The following EHMT1 variants were observed in gnomAD, a reference collection of about 807,000 sequenced individuals.
EHMT1 encodes the protein euchromatic histone lysine methyltransferase 1, also known as histone-lysine N-methyltransferase EHMT1.
Under a neutral mutation model 147.2 loss-of-function variants are expected in EHMT1, and 15 were observed. The ratio of observed to expected loss-of-function variants is 0.10; its 90% CI spans 0.07 to 0.16. The LOEUF (loss-of-function observed/expected upper bound fraction) is 0.16. Among genes scored for constraint, EHMT1 ranks in the 10% least tolerant of loss-of-function variants. EHMT1 has a pLI of 1.00. For synonymous variants in EHMT1, 795 were observed against 709.6 expected (o/e 1.12, Z -1.91); for missense variants, 1,587 against 1,772.4 (o/e 0.90, Z 1.88).
intron 8 of EHMT1, among the ~76,000 whole-genome samples, chr9:137,757,108 C>T (rs2136258090): frequency 6.6e-6 from 1 of 152,336 alleles, no homozygotes; most frequent in Middle Eastern, 3.4e-3. Context: ...TCAGTGAATG[C>T]CCTTGTGATT....
In EHMT1 at chr9:137,634,429, T is replaced by A. The variant is rs115170644; in HGVS notation, c.21+15380T>A. ...CCCCATTGAATTGCCTGGCCATCGT[T>A]TTTGAAAATCAGTTGAACATAAATG... On this transcript the variant is annotated intron_variant, in intron 1 of 26. Coordinates refer to ENST00000460843, the MANE Select transcript of EHMT1 (RefSeq NM_024757.5). 8.6e-3 allele frequency among the ~76,000 whole-genome samples: 1,306 copies of A among 152,322 alleles called. 18 individuals are homozygous for A. Among genetic ancestry groups the A allele is most frequent in the African/African-American group, 0.029 (1,203 of 41,578 alleles).
At chr9:137,818,169 A>G (rs1167444791) in intron 25 of EHMT1, 31 bp downstream of exon 25, 3 of 1,610,412 alleles carry the variant, frequency 1.9e-6, no homozygotes, top group Non-Finnish European at 2.5e-6. Context: ...GGGGCCACGC[A>G]GAACTTGTGA....
intron 1 of EHMT1, among the ~76,000 whole-genome samples, chr9:137,628,412 ATTAC>A (rs1422030977): frequency 1.3e-5 from 2 of 152,152 alleles, no homozygotes; most frequent in Non-Finnish European, 2.9e-5. Context: ...TTTTTTTAAA[ATTAC>A]TTAAACATTT....
At chr9:137,622,415 C>T (rs961221813) in intron 1 of EHMT1, among the ~76,000 whole-genome samples, 9 of 152,050 alleles carry the variant, frequency 5.9e-5, no homozygotes, top group Non-Finnish European at 1.0e-4. Flanking sequence ...CCACCGCCCC[C>T]GGCCGATCAT....
At chr9:137,634,359 C>T (rs543876487) in intron 1 of EHMT1, among the ~76,000 whole-genome samples, 1 of 152,310 alleles carries the variant, frequency 6.6e-6, no homozygotes, top group African/African-American at 2.4e-5. Flanking sequence ...TCATTCTTTT[C>T]ATGTACAGTT....
rs982642065 is a variant in EHMT1, at chr9:137,817,362, C to T, written c.3375-77C>T. 1.1e-5 allele frequency: 17 copies of T among 1,537,246 alleles called. No homozygotes were observed. The East Asian group carries it at 3.1e-4, about 28-fold the overall frequency. On this transcript the variant is annotated intron_variant, in intron 23 of 26. Transcript: ENST00000460843. ...TCTTCCTCATTTCAGTGACGTGGCACCAGCTGGCTTTTGCTGACCATTGTG... is the reference window on the plus strand; with the variant it reads ...TCTTCCTCATTTCAGTGACGTGGCATCAGCTGGCTTTTGCTGACCATTGTG...
intron 1 of EHMT1, among the ~76,000 whole-genome samples, chr9:137,651,868 G>A (rs1937869754): frequency 1.3e-5 from 2 of 152,110 alleles, no homozygotes; most frequent in African/African-American, 4.8e-5. Context: ...TCTAGCAATA[G>A]GCATTATGTG....
rs187102694 is a variant in EHMT1, at chr9:137,782,772, G to A, written c.2382+375G>A. 5.9e-5 allele frequency among the ~76,000 whole-genome samples: 9 copies of A among 152,298 alleles called. No individual in the cohort carries two copies. The highest frequency in any genetic ancestry group is 2.2e-4 in the African/African-American group (9 of 41,574). On this transcript the variant is annotated intron_variant, in intron 15 of 26. Transcript: ENST00000460843. This position sits in a 1 kb window ranked among gnomAD's most constrained non-coding sequence, Gnocchi z 5.7. ...CCATTTTGTTTAGATCAGATCGTGT[G>A]AGCATTTTCAAGCTGAACCACGTCG...
chr9:137,792,555 A>C (rs1350939771), intron 16 of EHMT1, among the ~76,000 whole-genome samples: 1 of 152,138 alleles, frequency 6.6e-6, no homozygotes, highest in Admixed American at 6.5e-5. Flanking sequence ...AAATATAAAA[A>C]TTAGCCGGGC....
At chr9:137,624,000 CTTTTTT>C (rs34882647) in intron 1 of EHMT1, among the ~76,000 whole-genome samples, 1 of 131,526 alleles carries the variant, frequency 7.6e-6, no homozygotes, top group Non-Finnish European at 1.6e-5. Flanking sequence ...TTCTTTCTTT[CTTTTTT>C]TTTTTTTTTT....
chr9:137,669,252 C>T (rs753204989), intron 1 of EHMT1, among the ~76,000 whole-genome samples: 33 of 150,336 alleles, frequency 2.2e-4, no homozygotes, highest in Non-Finnish European at 4.1e-4. Context: ...ACCCTTCTCG[C>T]CCAGTGCTTA....
chr9:137,766,086 C>T (rs1478713214), intron 10 of EHMT1, among the ~76,000 whole-genome samples: 1 of 152,010 alleles, frequency 6.6e-6, no homozygotes, highest in African/African-American at 2.4e-5. Flanking sequence ...GATGAAACCC[C>T]ATCTCTTAAA....
chr9:137,811,740 G>A (rs1339516495), intron 19 of EHMT1, 125 bp downstream of exon 19: 1 of 1,298,824 alleles, frequency 7.7e-7, no homozygotes, highest in Admixed American at 1.9e-5. Flanking sequence ...GTTCCTTCGT[G>A]TGGAAGTCCA....
chr9:137,776,312 C>G lies in EHMT1; in HGVS notation c.1792-306C>G, dbSNP rs1168884848. ...CCTATCCGCCCTTCAGAGTAGGGGC[C>G]TTCTGGGTCCTTCTTTAGGCCTTCT... On this transcript the variant is annotated intron_variant, in intron 11 of 26. Coordinates refer to ENST00000460843, the MANE Select transcript of EHMT1 (RefSeq NM_024757.5). The surrounding 1 kb of genome is among the most constrained non-coding windows in gnomAD (Gnocchi z 4.4). Among the ~76,000 whole-genome samples the G allele has an allele frequency of 6.6e-6, 1 of 152,112 alleles. No homozygotes were observed. The highest frequency in any genetic ancestry group is 2.4e-5 in the African/African-American group (1 of 41,440).
rs1157528426 is a variant in EHMT1 at position 137,775,151 on chromosome 9, C to T, written c.1690C>T (p.Arg564Cys). 1.9e-6 allele frequency: 3 copies of T among 1,613,926 alleles called. No homozygotes were observed. Among genetic ancestry groups the T allele is most frequent in the Non-Finnish European group, 1.7e-6 (2 of 1,180,032 alleles). Reference protein sequence around the residue: ...TNSVVKYELMRPSNKAPLLVL... With the variant: ...TNSVVKYELMCPSNKAPLLVL... ...CAGCGTGGTCAAGTATGAGCTGATGCGCCCCTCCAACAAGGCCCCGCTCCT... is the reference window on the plus strand; with the variant it reads ...CAGCGTGGTCAAGTATGAGCTGATGTGCCCCTCCAACAAGGCCCCGCTCCT... The change falls in exon 11 of 27, where the codon CGC becomes TGC. Residue 564 changes from arginine (R) to cysteine (C), a missense_variant. Physicochemically the swap from Arg to Cys is radical, Grantham distance 180. Coordinates refer to ENST00000460843, the MANE Select transcript of EHMT1 (RefSeq NM_024757.5). This position sits in a 1 kb window ranked among gnomAD's most constrained non-coding sequence, Gnocchi z 6.1.
chr9:137,825,933 C>G (rs866657175), intron 25 of EHMT1, among the ~76,000 whole-genome samples: 9 of 152,258 alleles, frequency 5.9e-5, no homozygotes, highest in South Asian at 2.1e-4. Flanking sequence ...ATCAGAATAA[C>G]AAAGTTCTCT....
chr9:137,721,580 TCCCACG>T (rs1297817543), intron 3 of EHMT1, among the ~76,000 whole-genome samples: 5 of 134,190 alleles, frequency 3.7e-5, no homozygotes, highest in African/African-American at 1.4e-4. Context: ...CCTCTCCCTC[TCCCACG>T]CCTCTCACCG....
intron 1 of EHMT1, among the ~76,000 whole-genome samples, chr9:137,692,970 C>G (rs898656980): frequency 6.6e-6 from 1 of 152,154 alleles, no homozygotes; most frequent in African/African-American, 2.4e-5. Flanking sequence ...AAGGGTTGTC[C>G]TTGGAATCGG....
rs367626689 is a variant in EHMT1 at position 137,750,477 on chromosome 9, C to CA, written c.1171-1846dup. ...GAGTACCTAGAAATAAACTTAACAA[C>CA]AAAAAAAAGAGTGTTCCTTGTTAAT... On this transcript the variant is annotated intron_variant, in intron 6 of 26. Coordinates refer to ENST00000460843, the MANE Select transcript of EHMT1 (RefSeq NM_024757.5). 7.9e-3 allele frequency among the ~76,000 whole-genome samples: 1,202 copies of CA among 151,292 alleles called. 26 individuals are homozygous for CA. The highest frequency in any genetic ancestry group is 0.027 in the African/African-American group (1,131 of 41,324).
Sources: allele counts gnomAD v4.1 joint callset (sites outside exome capture counted in the v4.1 genomes callset), GRCh38; gene constraint gnomAD v4.1.1; non-coding constraint Gnocchi (gnomAD v3.1); transcripts MANE v1.5; gene names NCBI Gene and HGNC (gene_info 2026-07-23, HGNC 2026-07-21).